The following CKAP5 variants were observed in gnomAD, a reference collection of about 807,000 sequenced individuals.
CKAP5 encodes the protein cytoskeleton-associated protein 5.
A neutral mutation model predicts 232.8 loss-of-function variants in CKAP5; 27 were observed. The observed-to-expected ratio is 0.12, with a 90% CI of 0.09 to 0.16. The LOEUF (loss-of-function observed/expected upper bound fraction) is 0.16, where lower values mean the gene tolerates loss of function less well. Ranked by LOEUF, CKAP5 falls within the 10% of genes least tolerant of loss-of-function variation. The pLI is 1.00. For synonymous variants in CKAP5, 785 were observed against 841.1 expected (o/e 0.93, Z 1.16); for missense variants, 1,838 against 2,424.7 (o/e 0.76, Z 5.08).
intron 8 of CKAP5, 99 bp downstream of exon 8, chr11:46,807,932 C>T (rs1939193185): frequency 1.3e-6 from 1 of 771,118 alleles, no homozygotes; most frequent in Non-Finnish European, 2.2e-6. Flanking sequence ...AGTAATGTTC[C>T]TTAAGTGGCA....
At chr11:46,827,977 T>A (rs987463134) in intron 1 of CKAP5, among the ~76,000 whole-genome samples, 2 of 152,224 alleles carry the variant, frequency 1.3e-5, no homozygotes, top group African/African-American at 4.8e-5. Context: ...GTGCTTTTTT[T>A]AAGTCCATAT....
chr11:46,745,907 G>A (rs747059870), intron 42 of CKAP5, among the ~76,000 whole-genome samples: 2 of 151,982 alleles, frequency 1.3e-5, no homozygotes, highest in Non-Finnish European at 2.9e-5. Flanking sequence ...AGCCGAGATC[G>A]CACCACTGTA....
chr11:46,759,056 A>T lies in CKAP5; in HGVS notation c.4569-13T>A. 1 of 1,612,078 alleles carries T rather than the reference A, an allele frequency of 6.2e-7. No individual in the cohort carries two copies. The highest frequency in any genetic ancestry group is 1.1e-5 in the South Asian group (1 of 90,790). ...AACAGCCCGGATCCTAGATAGCAGA[A>T]CAAAGAGAAAACTTCAACCTCTATT... On this transcript the variant is annotated splice_polypyrimidine_tract_variant and intron_variant, in intron 34 of 43. Transcript: ENST00000529230.
chr11:46,772,555 A>G (rs1360574094), intron 24 of CKAP5, among the ~76,000 whole-genome samples: 1 of 152,112 alleles, frequency 6.6e-6, no homozygotes, highest in Non-Finnish European at 1.5e-5. Flanking sequence ...TACTTCCTTC[A>G]CGGACTTATT....
In CKAP5 at chr11:46,762,120, G is replaced by A; in HGVS notation, c.4101C>T (p.Ala1367=). Residue 1367 remains alanine (A), a synonymous_variant, in exon 32 of 44, where the codon GCC becomes GCT. Transcript: ENST00000529230. The stretch of plus-strand genomic sequence containing the variant: ...CTATGTGAACAGCTATTTCCTTTAA[G>A]GCTTTTCCTGGGGTTGGTTGGCAAA... ...MNVCQPTPGK[A]LKEIAVHIGD... The A allele has an allele frequency of 6.2e-7, 1 of 1,614,130 alleles. No homozygotes were observed. The highest frequency in any genetic ancestry group is 8.5e-7 in the Non-Finnish European group (1 of 1,180,014).
At chr11:46,831,154 C>G (rs1473022516) in intron 1 of CKAP5, among the ~76,000 whole-genome samples, 1 of 152,154 alleles carries the variant, frequency 6.6e-6, no homozygotes, top group Non-Finnish European at 1.5e-5. Context: ...TTACTTTGAA[C>G]TTTAATACCC....
Position 46,770,942 on chromosome 11 carries a change from G to C in CKAP5, c.3032C>G (p.Ser1011Cys). 6.2e-7 allele frequency: 1 copy of C among 1,613,892 alleles called. No individual in the cohort carries two copies. Reference sequence around the variant, plus strand: ...ACAAAGGATAAGGTCTGTAGGGGTGGAACGAAGAGTAGGTAGTTTCTCAGC... The same window carrying C: ...ACAAAGGATAAGGTCTGTAGGGGTGCAACGAAGAGTAGGTAGTTTCTCAGC... ...WLAEKLPTLR[S>C]TPTDLILCVP... Residue 1011 changes from serine (S) to cysteine (C), a missense_variant, in exon 25 of 44, where the codon TCC (serine) becomes TGC (cysteine). Around this residue, in one of 6 missense-constraint regions of CKAP5, gnomAD observed 767 missense variants for 954.6 expected, o/e 0.80. Transcript: ENST00000529230.
chr11:46,759,316 C>T lies in CKAP5; in HGVS notation c.4521G>A (p.Gln1507=), dbSNP rs756482408. 1.2e-6 allele frequency: 2 copies of T among 1,614,048 alleles called. No homozygotes were observed. The highest frequency in any genetic ancestry group is 4.5e-5 in the East Asian group (2 of 44,878). ...TVRCEMPELV[Q]HKLDDIFEPV... is the part of the protein sequence containing the mutation. ...GCTCAAAAATGTCATCCAGTTTGTGCTGAACAAGTTCTGGCATTTCACATC... is the reference window on the plus strand; with the variant it reads ...GCTCAAAAATGTCATCCAGTTTGTGTTGAACAAGTTCTGGCATTTCACATC... The change falls in exon 34 of 44, where the codon CAG becomes CAA. Residue 1507 remains glutamine, a synonymous_variant. Coordinates refer to ENST00000529230, the MANE Select transcript of CKAP5 (RefSeq NM_001008938.4).
At chr11:46,823,434 AAGAC>A (rs1488887640) in intron 1 of CKAP5, among the ~76,000 whole-genome samples, 2 of 152,176 alleles carry the variant, frequency 1.3e-5, no homozygotes, top group Admixed American at 6.5e-5. Flanking sequence ...TCATATGAAA[AAGAC>A]AGGCATAATC....
rs533963783 is a variant in CKAP5, at chr11:46,757,477, C to T, written c.4689+1446G>A. On this transcript the variant is annotated intron_variant, in intron 35 of 43. Transcript: ENST00000529230. ...CACTGCACTCCAGACTTGGCAACGG[C>T]GAGACTCCATCTCAAAAAAAAAATT... Among the ~76,000 whole-genome samples the T allele has an allele frequency of 2.7e-3, 413 of 151,502 alleles. 3 individuals carry two copies. Among genetic ancestry groups the T allele is most frequent in the African/African-American group, 9.8e-3 (405 of 41,250 alleles).
intron 42 of CKAP5, 56 bp from the exon 43 acceptor site, chr11:46,744,633 G>T (rs1592426796): frequency 6.6e-7 from 1 of 1,526,212 alleles, no homozygotes; most frequent in Non-Finnish European, 9.0e-7. Flanking sequence ...CCCTTCTAAA[G>T]TGCCTTGGTT....
chr11:46,774,298 A>G (rs2065273328), intron 24 of CKAP5, among the ~76,000 whole-genome samples: 1 of 152,084 alleles, frequency 6.6e-6, no homozygotes, highest in African/African-American at 2.4e-5. Context: ...TAAAATACCT[A>G]GGAATACCTC....
rs369254230 is a variant in CKAP5 at position 46,762,077 on chromosome 11, C to T, written c.4144G>A (p.Val1382Ile). The T allele has an allele frequency of 8.7e-6, 14 of 1,614,032 alleles. No individual in the cohort carries two copies. The highest frequency in any genetic ancestry group is 1.3e-5 in the African/African-American group (1 of 74,924). Residue 1382 changes from valine (V) to isoleucine (I), a missense_variant, in exon 32 of 44, where the codon GTA becomes ATA. Around this residue, in one of 6 missense-constraint regions of CKAP5, gnomAD observed 579 missense variants for 843.2 expected, o/e 0.69. Transcript: ENST00000529230. ...AVHIGDRDNA[V>I]RNAALNTIVT... ...ATGGTGTTGAGTGCAGCATTGCGTACAGCATTGTCACGGTCTCCTATGTGA... is the reference window on the plus strand; with the variant it reads ...ATGGTGTTGAGTGCAGCATTGCGTATAGCATTGTCACGGTCTCCTATGTGA...
At chr11:46,752,161 CAT>C (rs142364564) in intron 38 of CKAP5, among the ~76,000 whole-genome samples, 132 of 88,786 alleles carry the variant, frequency 1.5e-3, no homozygotes, top group South Asian at 4.3e-3. Context: ...AAGACCAATT[CAT>C]ATATATATAT....
chr11:46,759,792 A>AT (rs1269365980), intron 33 of CKAP5, among the ~76,000 whole-genome samples: 1 of 152,232 alleles, frequency 6.6e-6, no homozygotes, highest in Non-Finnish European at 1.5e-5. Flanking sequence ...ACTTATGAGC[A>AT]AATATATAAG....
intron 2 of CKAP5, among the ~76,000 whole-genome samples, chr11:46,820,301 C>G (rs1939497525): frequency 6.6e-6 from 1 of 151,916 alleles, no homozygotes; most frequent in Non-Finnish European, 1.5e-5. Context: ...ATTTTTGATA[C>G]AGTATTCGGC....
rs565252536 is a variant in CKAP5 at position 46,744,548 on chromosome 11, C to T, written c.5734G>A (p.Val1912Met). 96 of 1,613,970 alleles carry T rather than the reference C, an allele frequency of 5.9e-5. No individual in the cohort carries two copies. Among genetic ancestry groups the T allele is most frequent in the Non-Finnish European group, 8.1e-5 (95 of 1,180,012 alleles). ...GISPQMEVTC[V>M]PTPTSTVSSI... ...GACACTGTGCTTGTGGGCGTGGGCA[C>T]ACATGTGACTTCCATCTGAGGGGAG... is the stretch of plus-strand genomic sequence containing the variant. Residue 1912 changes from valine (V) to methionine (M), a missense_variant, in exon 43 of 44, where the codon GTG becomes ATG. Val to Met is a conservative substitution (Grantham distance 21, BLOSUM62 1). This residue lies in a region of CKAP5 where 579 missense variants were observed against 843.2 expected (regional missense o/e 0.69). Transcript: ENST00000529230.
chr11:46,843,856 G>C (rs1413476796), intron 1 of CKAP5, among the ~76,000 whole-genome samples: 1 of 152,064 alleles, frequency 6.6e-6, no homozygotes, highest in Non-Finnish European at 1.5e-5. Flanking sequence ...TCTGGCTGGG[G>C]AACACTTCCC....
At chr11:46,840,849 TTA>T (rs1940035490) in intron 1 of CKAP5, among the ~76,000 whole-genome samples, 1 of 152,272 alleles carries the variant, frequency 6.6e-6, no homozygotes, top group East Asian at 1.9e-4. Context: ...ATGCCCATTT[TTA>T]TAGTCAGCCT....
Sources: allele counts gnomAD v4.1 joint callset (sites outside exome capture counted in the v4.1 genomes callset), GRCh38; gene constraint gnomAD v4.1.1; regional missense constraint gnomAD v4.1.1; transcripts MANE v1.5; gene names NCBI Gene and HGNC (gene_info 2026-07-23, HGNC 2026-07-21).